FGD6: variants seen among roughly 807,000 people sequenced by gnomAD.
FGD6 encodes the protein FYVE, RhoGEF and PH domain containing 6, also known as FYVE, RhoGEF and PH domain-containing protein 6.
Under a neutral mutation model 149.4 loss-of-function variants are expected in FGD6, and 90 were observed. The ratio of observed to expected loss-of-function variants is 0.60; its 90% CI spans 0.51 to 0.72. The LOEUF (loss-of-function observed/expected upper bound fraction) is 0.72. Ranked by LOEUF, FGD6 falls within the 30% of genes least tolerant of loss-of-function variation. The probability of loss-of-function intolerance (pLI) is 0.00; values close to 1 mark genes in which losing one functional copy is unlikely to be tolerated. For missense variants in FGD6, 1,437 were observed against 1,684.8 expected (o/e 0.85, Z 2.57); for synonymous variants, 527 against 584.0 (o/e 0.90, Z 1.41).
rs920180817 is a variant in FGD6 at position 95,107,488 on chromosome 12, C to T, written c.3333+75G>A. 3.5e-6 allele frequency: 5 copies of T among 1,430,348 alleles called. No homozygotes were observed. The African/African-American group carries it at 4.2e-5, about 12-fold the overall frequency. The allele number at this position is 1,430,348 out of a possible 1,614,324, so 88.6% of individuals were successfully genotyped here. ...TATTTGAAGGTGCTAAGCTTATCTA[C>T]CATGTATAAACGTCTCCTTTCCTTA... On this transcript the variant is annotated intron_variant, in intron 12 of 20. Transcript: ENST00000343958.
intron 2 of FGD6, among the ~76,000 whole-genome samples, chr12:95,207,691 A>G (rs1437282734): frequency 6.6e-6 from 1 of 152,244 alleles, no homozygotes; most frequent in Non-Finnish European, 1.5e-5. Context: ...TATCCAGGGC[A>G]AAGAGATGAC....
At chr12:95,154,417 G>C (rs556514124) in intron 3 of FGD6, among the ~76,000 whole-genome samples, 1 of 152,106 alleles carries the variant, frequency 6.6e-6, no homozygotes, top group Non-Finnish European at 1.5e-5. Flanking sequence ...ATAAAATATC[G>C]AGAGTTGGAT....
chr12:95,125,738 C>G (rs2136251175), intron 8 of FGD6: 1 of 610,762 alleles, frequency 1.6e-6, no homozygotes, highest in Middle Eastern at 4.3e-4. Context: ...AAATGAATTC[C>G]TTCTCACCGA....
chr12:95,206,109 G>A (rs1314654174), intron 2 of FGD6, among the ~76,000 whole-genome samples: 1 of 152,054 alleles, frequency 6.6e-6, no homozygotes, highest in Non-Finnish European at 1.5e-5. Flanking sequence ...TCCAGGATTG[G>A]CAGAGATAAT....
intron 15 of FGD6, among the ~76,000 whole-genome samples, chr12:95,093,545 G>A (rs1190520743): frequency 2.6e-5 from 4 of 151,964 alleles, no homozygotes; most frequent in East Asian, 1.9e-4. Flanking sequence ...GCATGGTGGC[G>A]CATGCCTGTA....
intron 2 of FGD6, among the ~76,000 whole-genome samples, chr12:95,207,469 A>G (rs1362945130): frequency 1.4e-4 from 22 of 152,258 alleles, no homozygotes; most frequent in Admixed American, 1.4e-3. Flanking sequence ...ACCTGAAGTT[A>G]GTGGACTAAG....
intron 3 of FGD6, 39 bp downstream of exon 3, chr12:95,172,561 T>C (rs201721354): frequency 5.3e-6 from 8 of 1,513,778 alleles, no homozygotes; most frequent in East Asian, 2.3e-5. Context: ...TTCCCAAGCA[T>C]AGGGAGAGGT....
chr12:95,111,368 T>G (rs1461010267), intron 9 of FGD6, among the ~76,000 whole-genome samples: 2 of 152,226 alleles, frequency 1.3e-5, no homozygotes, highest in African/African-American at 4.8e-5. Context: ...TGCTGTCACA[T>G]GTAATTTCCT....
Position 95,104,994 on chromosome 12 carries a change from A to G in FGD6, c.3497+13T>C. On this transcript the variant is annotated intron_variant, in intron 14 of 20. Coordinates refer to ENST00000343958, the MANE Select transcript of FGD6 (RefSeq NM_018351.4). ...GAGAAAAAAAAAAAAAAAAAGAAGA[A>G]GAAAAAATTTACCTGGCTGAGAGAA... 6.4e-7 allele frequency: 1 copy of G among 1,569,982 alleles called. No homozygotes were observed.
chr12:95,180,963 G>A (rs1034445950), intron 2 of FGD6, among the ~76,000 whole-genome samples: 7 of 149,816 alleles, frequency 4.7e-5, no homozygotes, highest in African/African-American at 1.7e-4. Context: ...AGACTTGGAG[G>A]TCTGTGTAAA....
intron 2 of FGD6, among the ~76,000 whole-genome samples, chr12:95,198,726 G>GT (rs1592873968): frequency 3.9e-5 from 6 of 152,332 alleles, no homozygotes; most frequent in Admixed American, 3.3e-4. Context: ...GTGAGCCACT[G>GT]TGCCCGTCCA....
At chr12:95,155,505 G>A (rs1423645909) in intron 3 of FGD6, among the ~76,000 whole-genome samples, 4 of 152,120 alleles carry the variant, frequency 2.6e-5, no homozygotes, top group Non-Finnish European at 4.4e-5. Flanking sequence ...TCTAGCCTGC[G>A]CAAGAAAAGT....
intron 1 of FGD6, among the ~76,000 whole-genome samples, chr12:95,214,110 T>C (rs1408737837): frequency 6.6e-6 from 1 of 152,218 alleles, no homozygotes; most frequent in Non-Finnish European, 1.5e-5. Flanking sequence ...AGTTCACCTT[T>C]GTCTGTGTTC....
intron 3 of FGD6, among the ~76,000 whole-genome samples, chr12:95,155,769 G>T (rs953771852): frequency 3.3e-5 from 5 of 152,142 alleles, no homozygotes; most frequent in Non-Finnish European, 7.4e-5. Flanking sequence ...ATAGGGATTT[G>T]CCAAGACTCA....
chr12:95,124,909 C>T lies in FGD6; in HGVS notation c.3082+9830G>A, dbSNP rs528172153. On this transcript the variant is annotated intron_variant, in intron 8 of 20. Coordinates refer to ENST00000343958, the MANE Select transcript of FGD6 (RefSeq NM_018351.4). The stretch of plus-strand genomic sequence containing the variant: ...ACTCCTCTCACCCCTACTTCAAAAT[C>T]GTGGTACTTATTACATCTGCCACCT... Among the ~76,000 whole-genome samples, 53 of 152,232 alleles carry T rather than the reference C, an allele frequency of 3.5e-4. 3 individuals are homozygous for T. In the South Asian group the frequency reaches 8.9e-3, roughly 26 times the overall value.
chr12:95,164,227 C>CT (rs5800187), intron 3 of FGD6, among the ~76,000 whole-genome samples: 5 of 140,948 alleles, frequency 3.5e-5, no homozygotes, highest in Non-Finnish European at 6.0e-5. Flanking sequence ...TTTGTAAATT[C>CT]TTTTTTTTTT....
In FGD6 at chr12:95,186,521, G is replaced by GAA. The variant is rs57464025; in HGVS notation, c.2442-13779_2442-13778dup. On this transcript the variant is annotated intron_variant, in intron 2 of 20. Coordinates refer to ENST00000343958, the MANE Select transcript of FGD6 (RefSeq NM_018351.4). ...CCTGGCTCTTATATTCTTAAATCAT[G>GAA]AAAAAAAAAAAAAAAGAACAATATT... Among the ~76,000 whole-genome samples, 362 of 136,304 alleles carry GAA rather than the reference G, an allele frequency of 2.7e-3. 2 individuals are homozygous for GAA. Among genetic ancestry groups the GAA allele is most frequent in the Middle Eastern group, 3.8e-3 (1 of 264 alleles). The allele number at this position is 136,304 out of a possible 152,430, so 89.4% of individuals were successfully genotyped here. A position where few individuals can be genotyped will look rare whatever the true frequency, so the allele number is the denominator to read the frequency against.
chr12:95,167,661 G>A (rs1263309266), intron 3 of FGD6, among the ~76,000 whole-genome samples: 1 of 136,858 alleles, frequency 7.3e-6, no homozygotes. Context: ...TGCAACCTCC[G>A]CAACCCGGGT....
chr12:95,089,621 T>G lies in FGD6; in HGVS notation c.3926A>C (p.His1309Pro). The change falls in exon 18 of 21, where the codon CAT becomes CCT. Residue 1309 changes from histidine to proline, a missense_variant. By Grantham distance (77) the His-to-Pro change is moderately conservative (BLOSUM62 -2). Around this residue, in one of 2 missense-constraint regions of FGD6, gnomAD observed 382 missense variants for 538.7 expected, o/e 0.71. Coordinates refer to ENST00000343958, the MANE Select transcript of FGD6 (RefSeq NM_018351.4). ...SPSSALSSVL[H>P]SIPSGRKQKK... is the part of the protein sequence containing the mutation. ...CTGTTTCCTCCCTGATGGAATGCTA[T>G]GTAAGACTGATGATAAGGCACTTGA... 2 of 1,614,044 alleles carry G rather than the reference T, an allele frequency of 1.2e-6. No individual in the cohort carries two copies. The highest frequency in any genetic ancestry group is 1.7e-6 in the Non-Finnish European group (2 of 1,179,902).
Sources: allele counts gnomAD v4.1 joint callset (sites outside exome capture counted in the v4.1 genomes callset), GRCh38; gene constraint gnomAD v4.1.1; regional missense constraint gnomAD v4.1.1; transcripts MANE v1.5; gene names NCBI Gene and HGNC (gene_info 2026-07-23, HGNC 2026-07-21).